CNTN5: variants seen among roughly 807,000 people sequenced by gnomAD.
CNTN5 encodes the protein contactin 5, also known as contactin-5.
Under a neutral mutation model 129.1 loss-of-function variants are expected in CNTN5, and 77 were observed. That is an observed-to-expected ratio of 0.60 (90% CI 0.50 to 0.72). The LOEUF (loss-of-function observed/expected upper bound fraction) is 0.72. Ranked by LOEUF, CNTN5 falls within the 30% of genes least tolerant of loss-of-function variation. The pLI is 0.00. For missense variants in CNTN5, 1,478 were observed against 1,328.8 expected (o/e 1.11, Z -1.75); for synonymous variants, 509 against 465.6 (o/e 1.09, Z -1.20).
Position 99,819,852 on chromosome 11 carries a change from TTC to T in CNTN5, c.277+88_277+89del, listed in dbSNP as rs1357006752. On this transcript the variant is annotated intron_variant, in intron 4 of 24. Coordinates refer to ENST00000524871, the MANE Select transcript of CNTN5 (RefSeq NM_014361.4). ...ACTGTTGCAACAGAGATCAAGACTA[TTC>T]CAGTAGGAGAGAGTGATTGAACTCA... 3 of 492,972 alleles carry T rather than the reference TTC, an allele frequency of 6.1e-6. No homozygotes were observed. The African/African-American group carries it at 7.3e-5, about 12-fold the overall frequency. 30.5% of individuals were successfully genotyped at this position (492,972 alleles called of 1,614,324 possible). A position where few individuals can be genotyped will look rare whatever the true frequency, so the allele number is the denominator to read the frequency against.
At chr11:100,108,946 G>GA (rs1463154959) in intron 13 of CNTN5, among the ~76,000 whole-genome samples, 3 of 151,944 alleles carry the variant, frequency 2.0e-5, no homozygotes, top group African/African-American at 7.3e-5. Context: ...GCTGGCTCTA[G>GA]AAAAAATGCA....
rs563638106 is a variant in CNTN5, at chr11:99,391,497, A to G, written c.-71+66013A>G. The stretch of plus-strand genomic sequence containing the variant: ...GTAGCTAAGATTCTGATCTCATCAC[A>G]TATGTGGACACACAAGCTTTCGCTA... On this transcript the variant is annotated intron_variant, in intron 2 of 24. Transcript: ENST00000524871. Among the ~76,000 whole-genome samples the G allele has an allele frequency of 2.0e-5, 3 of 152,260 alleles. 1 individual carries two copies. Among genetic ancestry groups the G allele is most frequent in the Middle Eastern group, 3.4e-3 (1 of 294 alleles).
At chr11:100,351,758 A>G (rs1300978452) in intron 24 of CNTN5, among the ~76,000 whole-genome samples, 1 of 151,354 alleles carries the variant, frequency 6.6e-6, no homozygotes, top group African/African-American at 2.4e-5. Flanking sequence ...ATGTACAATT[A>G]GTGGGTAATT....
chr11:99,899,329 T>A (rs78829908), intron 6 of CNTN5, among the ~76,000 whole-genome samples: 1,772 of 152,154 alleles, frequency 0.012, 38 homozygotes, highest in African/African-American at 0.04. Flanking sequence ...TGGTTTCAAC[T>A]TTTCCCTGTT....
chr11:99,487,214 G>A (rs1283297414), intron 2 of CNTN5, among the ~76,000 whole-genome samples: 1 of 152,216 alleles, frequency 6.6e-6, no homozygotes, highest in Non-Finnish European at 1.5e-5. Context: ...TTAAGGTGAA[G>A]TGACTATACA....
At chr11:99,499,865 C>T (rs1946362892) in intron 2 of CNTN5, among the ~76,000 whole-genome samples, 1 of 152,068 alleles carries the variant, frequency 6.6e-6, no homozygotes, top group Admixed American at 6.5e-5. Flanking sequence ...AAATAAAATC[C>T]TACCTCTTTC....
At chr11:100,051,446 A>G (rs903340804) in intron 9 of CNTN5, among the ~76,000 whole-genome samples, 8 of 152,074 alleles carry the variant, frequency 5.3e-5, no homozygotes, top group African/African-American at 1.9e-4. Context: ...TTTTAACTGA[A>G]TAATAATGAA....
At chr11:99,352,115 CAA>C (rs1309626968) in intron 2 of CNTN5, among the ~76,000 whole-genome samples, 2 of 152,154 alleles carry the variant, frequency 1.3e-5, no homozygotes, top group Non-Finnish European at 2.9e-5. Context: ...TCGAATTCTT[CAA>C]AGTGTCAGAT....
chr11:100,136,608 A>C (rs1946533290), intron 13 of CNTN5, among the ~76,000 whole-genome samples: 2 of 152,034 alleles, frequency 1.3e-5, no homozygotes, highest in African/African-American at 4.8e-5. Context: ...ATGAATAATA[A>C]ATTTTTACTA....
chr11:100,220,477 A>G (rs1479751128), intron 15 of CNTN5, among the ~76,000 whole-genome samples: 1 of 152,162 alleles, frequency 6.6e-6, no homozygotes, highest in Non-Finnish European at 1.5e-5. Context: ...CTTTTCTACA[A>G]TAAGACAGAA....
chr11:99,857,163 C>T (rs560644301), intron 6 of CNTN5, among the ~76,000 whole-genome samples: 1 of 151,418 alleles, frequency 6.6e-6, no homozygotes, highest in Admixed American at 6.6e-5. Flanking sequence ...CATTTCATTA[C>T]AACTATTTAA....
chr11:100,054,802 C>T (rs940741438), intron 9 of CNTN5, among the ~76,000 whole-genome samples: 3 of 151,654 alleles, frequency 2.0e-5, no homozygotes, highest in African/African-American at 7.2e-5. Flanking sequence ...ATATCTCATT[C>T]ATGTAACATC....
chr11:99,065,006 CACTTAAA>C (rs1288152015), intron 1 of CNTN5, among the ~76,000 whole-genome samples: 2 of 151,806 alleles, frequency 1.3e-5, no homozygotes, highest in African/African-American at 4.8e-5. Flanking sequence ...TCTAATCTAA[CACTTAAA>C]ACTTAATGGT....
chr11:99,883,429 T>C (rs1312155764), intron 6 of CNTN5, among the ~76,000 whole-genome samples: 2 of 152,196 alleles, frequency 1.3e-5, no homozygotes, highest in Admixed American at 6.5e-5. Context: ...TGAGATGATA[T>C]CTCATTGTAG....
At chr11:100,333,408 G>GAAA (rs547220238) in intron 21 of CNTN5, among the ~76,000 whole-genome samples, 1,408 of 74,030 alleles carry the variant, frequency 0.019, 73 homozygotes, top group African/African-American at 0.049. Flanking sequence ...CACTGAATTA[G>GAAA]AAAAAAAAAA....
At chr11:99,717,946 C>A (rs1048302708) in intron 3 of CNTN5, among the ~76,000 whole-genome samples, 1 of 152,018 alleles carries the variant, frequency 6.6e-6, no homozygotes. Flanking sequence ...CTTAGCACCC[C>A]CCTAAAACCT....
At chr11:99,227,080 G>T (rs1434324486) in intron 1 of CNTN5, among the ~76,000 whole-genome samples, 2 of 152,108 alleles carry the variant, frequency 1.3e-5, no homozygotes, top group Admixed American at 1.3e-4. Context: ...TGATAAGGTG[G>T]CCACACGCAG....
intron 3 of CNTN5, among the ~76,000 whole-genome samples, chr11:99,784,243 C>A (rs1945427633): frequency 6.6e-6 from 1 of 152,044 alleles, no homozygotes; most frequent in African/African-American, 2.4e-5. Flanking sequence ...TTGCTCCACC[C>A]ATCAACCCGT....
intron 1 of CNTN5, among the ~76,000 whole-genome samples, chr11:99,046,897 T>C (rs1207014891): frequency 6.6e-6 from 1 of 152,122 alleles, no homozygotes; most frequent in East Asian, 1.9e-4. Context: ...GTCTCATGTA[T>C]AATTGACGAA....
Sources: gnomAD v4.1 joint callset for allele counts (sites outside exome capture counted in the v4.1 genomes callset) on GRCh38, gnomAD v4.1.1 for gene constraint, MANE v1.5 for transcripts, NCBI Gene and HGNC (gene_info 2026-07-23, HGNC 2026-07-21) for gene names.